Variants in GLG1 observed in about 807,000 individuals in gnomAD.
The protein encoded by GLG1 is golgi glycoprotein 1, also known as Golgi apparatus protein 1.
Under a neutral mutation model 160.5 loss-of-function variants are expected in GLG1, and 38 were observed. The observed-to-expected ratio is 0.24, with a 90% CI of 0.18 to 0.31. The LOEUF (loss-of-function observed/expected upper bound fraction) is 0.31. GLG1 is among the 10% of genes least tolerant of loss of function. The pLI is 1.00. For synonymous variants in GLG1, 644 were observed against 543.4 expected, an observed-to-expected ratio of 1.19 and a Z score of -2.57; for missense variants, 1,373 against 1,505.2, an observed-to-expected ratio of 0.91 and a Z score of 1.45.
At position 74,572,512 on chromosome 16, in the gene GLG1, CA is replaced by C. The variant is rs1212497736; in HGVS notation, c.438+34144del. ...TGGGAAACAGAGTGAGACTCTGTCT[CA>C]AAAAAAAAACAAACAAAAAAAAAAA... On this transcript the variant is annotated intron_variant, in intron 1 of 25. Transcript: ENST00000422840. Among the ~76,000 whole-genome samples, 6 of 56,268 alleles carry C rather than the reference CA, an allele frequency of 1.1e-4. 1 individual carries two copies. Among genetic ancestry groups the C allele is most frequent in the Non-Finnish European group, 1.3e-4 (4 of 30,164 alleles). 36.9% of individuals were successfully genotyped at this position (56,268 alleles called of 152,430 possible).
intron 1 of GLG1, among the ~76,000 whole-genome samples, chr16:74,563,984 C>A (rs1366346078): frequency 6.6e-6 from 1 of 152,158 alleles, no homozygotes; most frequent in Non-Finnish European, 1.5e-5. Context: ...ACTGCAGTGG[C>A]TCAATCATGA....
chr16:74,522,483 T>G (rs1379676040), intron 2 of GLG1, among the ~76,000 whole-genome samples: 2 of 152,212 alleles, frequency 1.3e-5, no homozygotes, highest in African/African-American at 4.8e-5. Context: ...TAAGCACCTT[T>G]TCATTGTTTT....
intron 12 of GLG1, 137 bp from the exon 13 acceptor site, chr16:74,474,769 G>C (rs1361751839): frequency 9.0e-6 from 6 of 664,604 alleles, no homozygotes; most frequent in Non-Finnish European, 1.6e-5. Context: ...CACTGAACAG[G>C]ACACAAAAGC....
intron 1 of GLG1, among the ~76,000 whole-genome samples, chr16:74,572,309 A>C (rs1052646013): frequency 6.6e-6 from 1 of 152,098 alleles, no homozygotes; most frequent in Non-Finnish European, 1.5e-5. Flanking sequence ...TCAGGAGTTC[A>C]AGACAAGCCT....
At chr16:74,506,353 C>T (rs1377268861) in intron 3 of GLG1, among the ~76,000 whole-genome samples, 6 of 151,154 alleles carry the variant, frequency 4.0e-5, no homozygotes, top group African/African-American at 9.7e-5. Context: ...CCCAGGCGGG[C>T]GGATCACGAG....
rs769812522 is a variant in GLG1, at chr16:74,491,013, G to T, written c.1437C>A (p.Asn479Lys). The stretch of plus-strand genomic sequence containing the variant: ...AATGTCTCCTTACCGCCTGCTGGCA[G>T]TTCATTCCAAGGTTCCCCTTCTCCC... ...VRGEKGNLGM[N>K]CQQALQTLIQ... Residue 479 changes from asparagine to lysine, a missense_variant, in exon 8 of 26, where the codon AAC becomes AAA. Asn to Lys is a moderately conservative substitution (Grantham distance 94). Transcript: ENST00000422840. 1 of 1,613,042 alleles carries T rather than the reference G, an allele frequency of 6.2e-7. No individual in the cohort carries two copies. The highest frequency in any genetic ancestry group is 8.5e-7 in the Non-Finnish European group (1 of 1,178,978).
At chr16:74,569,395 C>G (rs922848806) in intron 1 of GLG1, among the ~76,000 whole-genome samples, 7 of 152,224 alleles carry the variant, frequency 4.6e-5, no homozygotes, top group Admixed American at 2.6e-4. Context: ...TCTATGTTTC[C>G]TTGGGTTTGA....
chr16:74,591,146 C>A (rs1442668899), intron 1 of GLG1, among the ~76,000 whole-genome samples: 1 of 151,806 alleles, frequency 6.6e-6, no homozygotes, highest in East Asian at 1.9e-4. Context: ...GCCTAGCCAA[C>A]ACGGTGAAAC....
intron 4 of GLG1, among the ~76,000 whole-genome samples, chr16:74,502,629 C>T (rs1353480795): frequency 6.6e-6 from 1 of 151,682 alleles, no homozygotes; most frequent in Non-Finnish European, 1.5e-5. Flanking sequence ...CTGCAAGCTC[C>T]ACTTCCTGGG....
intron 1 of GLG1, among the ~76,000 whole-genome samples, chr16:74,583,776 T>C (rs1393249607): frequency 4.6e-5 from 7 of 152,260 alleles, no homozygotes; most frequent in African/African-American, 1.7e-4. Context: ...AATTAGCCAA[T>C]GTCCAAGCAT....
chr16:74,573,083 T>G (rs1001037460), intron 1 of GLG1, among the ~76,000 whole-genome samples: 1 of 152,002 alleles, frequency 6.6e-6, no homozygotes, highest in East Asian at 1.9e-4. Flanking sequence ...ATATTGAGAG[T>G]AGATAGTAGG....
At chr16:74,544,383 G>A (rs1003325635) in intron 1 of GLG1, among the ~76,000 whole-genome samples, 13 of 152,130 alleles carry the variant, frequency 8.5e-5, no homozygotes, top group Admixed American at 5.9e-4. Context: ...GCACAATCTC[G>A]GCTCACCACA....
At chr16:74,500,259 A>T (rs2016357406) in intron 4 of GLG1, among the ~76,000 whole-genome samples, 1 of 152,206 alleles carries the variant, frequency 6.6e-6, no homozygotes, top group African/African-American at 2.4e-5. Context: ...AAGCTCATTT[A>T]GGTTTAAAAA....
intron 5 of GLG1, 92 bp from the exon 6 acceptor site, chr16:74,494,923 G>C (rs993892093): frequency 1.5e-6 from 1 of 672,142 alleles, no homozygotes; most frequent in African/African-American, 1.8e-5. Context: ...TCTATTAAAC[G>C]ATTATAATCG....
chr16:74,472,287 A>C, intron 14 of GLG1, 62 bp downstream of exon 14: 1 of 1,077,690 alleles, frequency 9.3e-7, no homozygotes, highest in South Asian at 1.3e-5. Context: ...TGAGATACTC[A>C]GGGGAGAGTC....
At chr16:74,499,389 C>T (rs1342513095) in intron 4 of GLG1, among the ~76,000 whole-genome samples, 2 of 152,142 alleles carry the variant, frequency 1.3e-5, no homozygotes, top group Admixed American at 1.3e-4. Context: ...TAGAAGCACA[C>T]ACCACCACCC....
intron 1 of GLG1, among the ~76,000 whole-genome samples, chr16:74,542,075 G>A (rs983707909): frequency 3.4e-5 from 5 of 147,052 alleles, no homozygotes; most frequent in South Asian, 2.3e-4. Context: ...CATCCTCTGG[G>A]ACACAGCAGG....
At chr16:74,496,732 AC>A (rs2016203353) in intron 4 of GLG1, 88 bp from the exon 5 acceptor site, 1 of 759,780 alleles carries the variant, frequency 1.3e-6, no homozygotes, top group East Asian at 2.5e-5. Flanking sequence ...ACACACACAC[AC>A]ACACACACAC....
At chr16:74,556,424 C>T (rs142709356) in intron 1 of GLG1, among the ~76,000 whole-genome samples, 139 of 151,980 alleles carry the variant, frequency 9.1e-4, no homozygotes, top group African/African-American at 3.2e-3. Context: ...TGGGGCTAAC[C>T]CAAACAATTT....
Sources: gnomAD v4.1 joint callset for allele counts (sites outside exome capture counted in the v4.1 genomes callset) on GRCh38, gnomAD v4.1.1 for gene constraint, MANE v1.5 for transcripts, NCBI Gene and HGNC (gene_info 2026-07-23, HGNC 2026-07-21) for gene names.